The following VWA8 variants were observed in gnomAD, a reference collection of about 807,000 sequenced individuals.
VWA8 encodes the protein von Willebrand factor A domain containing 8.
VWA8 carries 221 observed loss-of-function variants against 241.5 expected under a neutral mutation model. The observed-to-expected ratio is 0.91, with a 90% CI of 0.82 to 1.02. The LOEUF is 1.02. VWA8 is among the 50% of genes least tolerant of loss of function. The pLI is 0.00. For missense variants in VWA8, 2,322 were observed against 2,328.7 expected, an observed-to-expected ratio of 1.00 and a Z score of 0.06; for synonymous variants, 852 against 827.1, an observed-to-expected ratio of 1.03 and a Z score of -0.52.
At chr13:41,587,355 TA>T (rs1326659096) in intron 42 of VWA8, among the ~76,000 whole-genome samples, 156 bp downstream of exon 42, 1 of 152,214 alleles carries the variant, frequency 6.6e-6, no homozygotes, top group East Asian at 1.9e-4. Flanking sequence ...ATTTTACAAT[TA>T]CTACTTCAGA....
intron 9 of VWA8, among the ~76,000 whole-genome samples, chr13:41,872,264 C>T (rs1380713114): frequency 1.3e-5 from 2 of 152,124 alleles, no homozygotes; most frequent in African/African-American, 4.8e-5. Flanking sequence ...GTTGCCTGTT[C>T]ACTCTGATGG....
intron 12 of VWA8, among the ~76,000 whole-genome samples, chr13:41,835,548 G>T (rs1317210558): frequency 6.6e-6 from 1 of 152,134 alleles, no homozygotes; most frequent in Middle Eastern, 3.4e-3. Flanking sequence ...AGACAGTCAC[G>T]ACATTCCTCA....
chr13:41,705,639 T>C (rs1196045511), intron 26 of VWA8, among the ~76,000 whole-genome samples: 2 of 152,182 alleles, frequency 1.3e-5, no homozygotes, highest in Non-Finnish European at 2.9e-5. Flanking sequence ...AAGGGGAAAG[T>C]CCATTGTTTT....
chr13:41,806,693 C>T (rs1444640969), intron 17 of VWA8, among the ~76,000 whole-genome samples: 1 of 151,446 alleles, frequency 6.6e-6, no homozygotes, highest in African/African-American at 2.4e-5. Flanking sequence ...ACAGAGCAAG[C>T]CTCTGTCTCA....
At chr13:41,717,332 T>A (rs181285638) in intron 26 of VWA8, among the ~76,000 whole-genome samples, 2 of 151,804 alleles carry the variant, frequency 1.3e-5, no homozygotes, top group African/African-American at 2.4e-5. Flanking sequence ...AAAATATTTT[T>A]AAAAATCAAA....
chr13:41,755,988 T>C (rs577751877), intron 21 of VWA8, among the ~76,000 whole-genome samples: 1 of 151,890 alleles, frequency 6.6e-6, no homozygotes, highest in Non-Finnish European at 1.5e-5. Context: ...TCAGAAATTA[T>C]TGAAATAGAA....
chr13:41,901,194 C>A (rs1287857829), intron 4 of VWA8, among the ~76,000 whole-genome samples: 1 of 150,078 alleles, frequency 6.7e-6, no homozygotes, highest in African/African-American at 2.4e-5. Context: ...CTCACTGTAA[C>A]CTTGAACTCC....
chr13:41,955,348 TTC>T (rs1424505601), intron 1 of VWA8, among the ~76,000 whole-genome samples: 1 of 152,226 alleles, frequency 6.6e-6, no homozygotes, highest in Non-Finnish European at 1.5e-5. Context: ...CTTGCTGGAT[TTC>T]TGATTGGTTC....
intron 1 of VWA8, among the ~76,000 whole-genome samples, chr13:41,950,667 CTT>C (rs373790890): frequency 1.6e-4 from 19 of 119,456 alleles, no homozygotes; most frequent in Admixed American, 2.6e-4. Context: ...CACACTCAGC[CTT>C]TTTTTTTTTT....
In VWA8 at chr13:41,663,471, GAC is replaced by G. The variant is rs201285116; in HGVS notation, c.4611+7473_4611+7474del. Among the ~76,000 whole-genome samples the G allele has an allele frequency of 9.3e-3, 1,412 of 152,202 alleles. 14 individuals carry two copies. The highest frequency in any genetic ancestry group is 0.031 in the African/African-American group (1,268 of 41,542). ...TAACAATTTAAAATAGCACCCTTGT[GAC>G]ACAGTCTCCCCCTCAAGCAATTAAG... On this transcript the variant is annotated intron_variant, in intron 37 of 44. Transcript: ENST00000379310.
In VWA8 at chr13:41,739,793, A is replaced by G. The variant is rs185235335; in HGVS notation, c.2427-7638T>C. Among the ~76,000 whole-genome samples, 25 of 148,786 alleles carry G rather than the reference A, an allele frequency of 1.7e-4. No homozygotes were observed. The East Asian group carries it at 4.2e-3, about 25-fold the overall frequency. On this transcript the variant is annotated intron_variant, in intron 21 of 44. Transcript: ENST00000379310. ...AACAGGAGTTAAACAATTCATTTCA[A>G]CCCCAGCCTATCTTCCAGTATCATT...
chr13:41,573,561 CGTATATATAT>C (rs1566372481), intron 43 of VWA8, among the ~76,000 whole-genome samples: 5 of 139,716 alleles, frequency 3.6e-5, no homozygotes, highest in East Asian at 2.0e-4. Flanking sequence ...AATATATACA[CGTATATATAT>C]GTATATATAT....
intron 2 of VWA8, chr13:41,926,792 G>C (rs1876865599): frequency 1.1e-5 from 6 of 550,564 alleles, no homozygotes; most frequent in Admixed American, 9.6e-5. Context: ...GAAAGCCCTG[G>C]GGGGTAAAGC....
chr13:41,815,913 G>T (rs1464460459), intron 16 of VWA8, among the ~76,000 whole-genome samples: 1 of 152,144 alleles, frequency 6.6e-6, no homozygotes, highest in Non-Finnish European at 1.5e-5. Flanking sequence ...TGCTTAACTG[G>T]TGAGATTTGT....
At chr13:41,914,350 A>C (rs571958189) in intron 2 of VWA8, among the ~76,000 whole-genome samples, 3 of 152,352 alleles carry the variant, frequency 2.0e-5, no homozygotes, top group African/African-American at 7.2e-5. Context: ...ACTTTTTAGC[A>C]ATCTATTAGG....
chr13:41,763,678 A>C (rs918723450), intron 20 of VWA8, among the ~76,000 whole-genome samples: 1 of 152,198 alleles, frequency 6.6e-6, no homozygotes, highest in Non-Finnish European at 1.5e-5. Flanking sequence ...GTTCTGTTAA[A>C]TTCAGCAATC....
intron 26 of VWA8, among the ~76,000 whole-genome samples, chr13:41,714,940 T>C (rs2045339146): frequency 6.6e-6 from 1 of 151,952 alleles, no homozygotes; most frequent in African/African-American, 2.4e-5. Context: ...TTTCAGTATC[T>C]AAATAACTAC....
Position 41,882,302 on chromosome 13 carries a change from C to T in VWA8, c.1080+1085G>A, listed in dbSNP as rs1291718036. Among the ~76,000 whole-genome samples, 261 of 150,262 alleles carry T rather than the reference C, an allele frequency of 1.7e-3. 1 individual carries two copies. The highest frequency in any genetic ancestry group is 2.8e-3 in the Non-Finnish European group (192 of 67,556). ...AGATGGGATGGCGGCCGGGCAGAGACGCTCCTCACTTTCCAGACTGGGCAG... is the reference window on the plus strand; with the variant it reads ...AGATGGGATGGCGGCCGGGCAGAGATGCTCCTCACTTTCCAGACTGGGCAG... On this transcript the variant is annotated intron_variant, in intron 9 of 44. Transcript: ENST00000379310.
intron 37 of VWA8, among the ~76,000 whole-genome samples, chr13:41,637,856 A>G (rs888059938): frequency 1.3e-5 from 2 of 152,204 alleles, no homozygotes; most frequent in East Asian, 3.8e-4. Flanking sequence ...CAGTTTTAAA[A>G]ATAATTTAAC....
Sources: allele counts gnomAD v4.1 joint callset (sites outside exome capture counted in the v4.1 genomes callset), GRCh38; gene constraint gnomAD v4.1.1; transcripts MANE v1.5; gene names NCBI Gene and HGNC (gene_info 2026-07-23, HGNC 2026-07-21).